SMYD3: variants seen among roughly 807,000 people sequenced by gnomAD.
SMYD3 encodes the protein SET and MYND domain containing 3.
Under a neutral mutation model 57.7 loss-of-function variants are expected in SMYD3, and 36 were observed. The observed-to-expected ratio is 0.62, with a 90% CI of 0.48 to 0.82. SMYD3 has a LOEUF of 0.82. Among genes scored for constraint, SMYD3 ranks in the 40% least tolerant of loss-of-function variants. The probability of loss-of-function intolerance (pLI) is 0.00; values close to 1 mark genes in which losing one functional copy is unlikely to be tolerated. For missense variants in SMYD3, 515 were observed against 538.8 expected, an observed-to-expected ratio of 0.96 and a Z score of 0.44; for synonymous variants, 211 against 195.0, an observed-to-expected ratio of 1.08 and a Z score of -0.68.
intron 5 of SMYD3, among the ~76,000 whole-genome samples, chr1:245,937,107 A>C (rs1046021796): frequency 2.0e-4 from 30 of 152,200 alleles, no homozygotes; most frequent in African/African-American, 7.0e-4. Flanking sequence ...AGATACATCC[A>C]ACTGTTTTCA....
chr1:246,346,628 A>G (rs4654100), intron 2 of SMYD3, among the ~76,000 whole-genome samples: 151,747 of 152,238 alleles, frequency 1, 75,629 homozygotes, highest in South Asian at 1. Flanking sequence ...AAAACCATCC[A>G]ATCTTGTGAG....
chr1:246,065,561 A>T (rs909180477), intron 5 of SMYD3, among the ~76,000 whole-genome samples: 12 of 152,344 alleles, frequency 7.9e-5, no homozygotes, highest in African/African-American at 2.6e-4. Context: ...AAAACCCTCA[A>T]GTTCTACTGT....
At chr1:245,913,894 A>C (rs969428763) in intron 8 of SMYD3, among the ~76,000 whole-genome samples, 1 of 152,218 alleles carries the variant, frequency 6.6e-6, no homozygotes, top group African/African-American at 2.4e-5. Context: ...GGAAAATGCA[A>C]ATCAAAACCA....
chr1:246,429,861 C>G (rs547674573), intron 1 of SMYD3, among the ~76,000 whole-genome samples: 1 of 40,170 alleles, frequency 2.5e-5, no homozygotes, highest in East Asian at 8.6e-4. Flanking sequence ...AATAATCATA[C>G]GAGAAACGGT....
intron 5 of SMYD3, among the ~76,000 whole-genome samples, chr1:246,143,629 C>T (rs889038755): frequency 1.3e-5 from 2 of 152,196 alleles, no homozygotes; most frequent in African/African-American, 4.8e-5. Flanking sequence ...GATTGTGTCA[C>T]TGCATTTCAG....
intron 8 of SMYD3, among the ~76,000 whole-genome samples, chr1:245,874,869 C>G (rs1360290714): frequency 6.6e-6 from 1 of 152,250 alleles, no homozygotes; most frequent in Non-Finnish European, 1.5e-5. Flanking sequence ...AGGGCAGTCA[C>G]TTGGCCTAAA....
chr1:246,320,688 GA>G (rs1371819295), intron 5 of SMYD3, among the ~76,000 whole-genome samples: 2 of 150,596 alleles, frequency 1.3e-5, no homozygotes, highest in Admixed American at 6.6e-5. Flanking sequence ...TATAAGCCCA[GA>G]AAAAAAAATT....
chr1:246,032,180 G>A (rs923314212), intron 5 of SMYD3, among the ~76,000 whole-genome samples: 1 of 152,132 alleles, frequency 6.6e-6, no homozygotes, highest in African/African-American at 2.4e-5. Context: ...TGTTGGGCAG[G>A]CAAACTGAGT....
At chr1:245,949,825 A>ACCCCCCCCCCCCCCCCCCCCC (rs376505931) in intron 5 of SMYD3, among the ~76,000 whole-genome samples, 20 of 93,264 alleles carry the variant, frequency 2.1e-4, no homozygotes, top group Non-Finnish European at 3.2e-4. Flanking sequence ...AAAGAAACCC[A>ACCCCCCCCCCCCCCCCCCCCC]CCCCCCCCAC....
chr1:246,084,195 CTTTTTT>C (rs772938424), intron 5 of SMYD3, among the ~76,000 whole-genome samples: 13 of 135,486 alleles, frequency 9.6e-5, no homozygotes, highest in African/African-American at 3.6e-4. Context: ...CTGACAATTC[CTTTTTT>C]TTTTTTTTTT....
Position 246,052,479 on chromosome 1 carries a change from A to T in SMYD3, c.532-122542T>A, listed in dbSNP as rs188506609. 73 of 152,322 alleles carry T rather than the reference A, an allele frequency of 4.8e-4. No individual in the cohort carries two copies. In the Middle Eastern group the frequency reaches 0.01, roughly 21 times the overall value. 9.4% of individuals were successfully genotyped at this position (152,322 alleles called of 1,614,324 possible). ...GCATTTCAAAGATAATCCTAACATG[A>T]TTTTCTAATAGTACGCAAGTCCACT... On this transcript the variant is annotated intron_variant, in intron 5 of 11. Coordinates refer to ENST00000490107, the MANE Select transcript of SMYD3 (RefSeq NM_001167740.2).
At chr1:246,110,838 ATGTT>A (rs1558237494) in intron 5 of SMYD3, among the ~76,000 whole-genome samples, 1 of 152,216 alleles carries the variant, frequency 6.6e-6, no homozygotes, top group African/African-American at 2.4e-5. Context: ...CAGTGCAGCC[ATGTT>A]CCTTACACCT....
At chr1:245,804,073 C>T (rs1050009605) in intron 10 of SMYD3, among the ~76,000 whole-genome samples, 5 of 151,996 alleles carry the variant, frequency 3.3e-5, no homozygotes, top group African/African-American at 7.2e-5. Context: ...CCACCACACT[C>T]GGGTAATTTT....
intron 5 of SMYD3, among the ~76,000 whole-genome samples, chr1:246,141,092 T>C (rs2061747362): frequency 6.6e-6 from 1 of 152,222 alleles, no homozygotes; most frequent in African/African-American, 2.4e-5. Flanking sequence ...GCTATGTTTT[T>C]CTTGAAGCTG....
chr1:246,192,368 G>T (rs2062752769), intron 5 of SMYD3, among the ~76,000 whole-genome samples: 1 of 152,170 alleles, frequency 6.6e-6, no homozygotes, highest in Non-Finnish European at 1.5e-5. Flanking sequence ...TGCAACTTTG[G>T]AACCCAGCAG....
chr1:246,346,892 A>G (rs966504669), intron 2 of SMYD3, among the ~76,000 whole-genome samples: 1 of 152,216 alleles, frequency 6.6e-6, no homozygotes, highest in East Asian at 1.9e-4. Flanking sequence ...TAGGAATTTT[A>G]AAAAACTATA....
At chr1:246,281,488 T>C (rs76249431) in intron 5 of SMYD3, among the ~76,000 whole-genome samples, 23 of 152,342 alleles carry the variant, frequency 1.5e-4, no homozygotes, top group Non-Finnish European at 3.1e-4. Context: ...GTGAGAATAC[T>C]GATCATATCA....
intron 10 of SMYD3, among the ~76,000 whole-genome samples, chr1:245,771,335 A>G (rs374072553): frequency 5.9e-5 from 9 of 152,218 alleles, no homozygotes; most frequent in East Asian, 3.8e-4. Flanking sequence ...GATGATAGAC[A>G]TATGAAAGTT....
chr1:245,870,133 T>C (rs1433221224), intron 8 of SMYD3, among the ~76,000 whole-genome samples: 6 of 152,170 alleles, frequency 3.9e-5, no homozygotes, highest in Non-Finnish European at 8.8e-5. Context: ...CCACAACCCA[T>C]GGGCGACAGT....
Sources: allele counts gnomAD v4.1 joint callset (sites outside exome capture counted in the v4.1 genomes callset), GRCh38; gene constraint gnomAD v4.1.1; transcripts MANE v1.5; gene names NCBI Gene and HGNC (gene_info 2026-07-23, HGNC 2026-07-21).